Variants in RB1 observed in about 807,000 individuals in gnomAD.
The protein encoded by RB1 is RB transcriptional corepressor 1.
Under a neutral mutation model 135.4 loss-of-function variants are expected in RB1, and 18 were observed. That is an observed-to-expected ratio of 0.13 (90% CI 0.09 to 0.20). RB1 has a LOEUF of 0.20. Among genes scored for constraint, RB1 ranks in the 10% least tolerant of loss-of-function variants. The probability of loss-of-function intolerance (pLI) is 1.00; values close to 1 mark genes in which losing one functional copy is unlikely to be tolerated. For missense variants in RB1, 868 were observed against 1,110.0 expected, an observed-to-expected ratio of 0.78 and a Z score of 3.10; for synonymous variants, 365 against 373.2, an observed-to-expected ratio of 0.98 and a Z score of 0.25.
intron 17 of RB1, among the ~76,000 whole-genome samples, chr13:48,434,982 A>G (rs1949169054): frequency 6.6e-6 from 1 of 152,238 alleles, no homozygotes; most frequent in Non-Finnish European, 1.5e-5. Context: ...GAATATCAGG[A>G]CAGGTTCTAG....
intron 1 of RB1, among the ~76,000 whole-genome samples, chr13:48,304,966 T>G (rs1385072160): frequency 6.6e-6 from 1 of 152,210 alleles, no homozygotes; most frequent in African/African-American, 2.4e-5. Context: ...AATCTAAATT[T>G]AAGCAAGTCC....
At chr13:48,305,605 A>AT (rs1310678047) in intron 1 of RB1, among the ~76,000 whole-genome samples, 1 of 152,148 alleles carries the variant, frequency 6.6e-6, no homozygotes, top group African/African-American at 2.4e-5. Context: ...TGTTTCTTTC[A>AT]TTTTTTAACT....
At chr13:48,464,959 T>TTTTTTTTTA in intron 21 of RB1, 39 bp from the exon 22 acceptor site, 1 of 174,958 alleles carries the variant, frequency 5.7e-6, no homozygotes, top group Non-Finnish European at 7.3e-6. Context: ...TAAATTTTAC[T>TTTTTTTTTA]TTTTTTTTTT....
intron 6 of RB1, among the ~76,000 whole-genome samples, chr13:48,352,677 A>T (rs1952558649): frequency 6.6e-6 from 1 of 151,912 alleles, no homozygotes; most frequent in African/African-American, 2.4e-5. Flanking sequence ...GTGTAGAACT[A>T]CTAGTGATTT....
chr13:48,308,114 C>T lies in RB1; in HGVS notation c.264+708C>T, dbSNP rs1173738401. On this transcript the variant is annotated intron_variant, in intron 2 of 26. Transcript: ENST00000267163. ...ATATATTCCTTTCATTTTTTCTTTG[C>T]GTAAGTATAGATGTATATGTTTAAT... 4.6e-5 allele frequency among the ~76,000 whole-genome samples: 7 copies of T among 151,420 alleles called. No individual in the cohort carries two copies. The East Asian group carries it at 9.7e-4, about 21-fold the overall frequency.
intron 26 of RB1, among the ~76,000 whole-genome samples, chr13:48,478,973 T>C (rs1376108971): frequency 6.6e-6 from 1 of 152,190 alleles, no homozygotes; most frequent in Non-Finnish European, 1.5e-5. Flanking sequence ...ATGTCTGTAA[T>C]ACCAGCACTA....
At chr13:48,424,743 G>A (rs911304284) in intron 17 of RB1, among the ~76,000 whole-genome samples, 2 of 151,912 alleles carry the variant, frequency 1.3e-5, no homozygotes, top group African/African-American at 2.4e-5. Context: ...AGACATATAC[G>A]TGCAATTCAA....
chr13:48,464,689 A>G (rs551296594), intron 21 of RB1, among the ~76,000 whole-genome samples: 115 of 152,206 alleles, frequency 7.6e-4, no homozygotes, highest in African/African-American at 2.7e-3. Flanking sequence ...CTACCAGTCT[A>G]TCTACTCCTC....
At chr13:48,342,482 TACAA>T in intron 2 of RB1, 113 bp from the exon 3 acceptor site, 2 of 695,058 alleles carry the variant, frequency 2.9e-6, no homozygotes, top group Non-Finnish European at 2.6e-6. Context: ...TATACAGTAT[TACAA>T]ACATTTATTT....
intron 11 of RB1, among the ~76,000 whole-genome samples, chr13:48,370,609 C>G (rs1459701148): frequency 6.6e-6 from 1 of 152,182 alleles, no homozygotes; most frequent in Non-Finnish European, 1.5e-5. Context: ...TGTAAAGATG[C>G]ATAGGATGAG....
intron 7 of RB1, among the ~76,000 whole-genome samples, chr13:48,361,942 ATT>A (rs5803430): frequency 4.6e-5 from 6 of 130,570 alleles, no homozygotes; most frequent in Admixed American, 2.4e-4. Flanking sequence ...ATCATCTGTA[ATT>A]TTTTTTTTTT....
intron 26 of RB1, among the ~76,000 whole-genome samples, chr13:48,477,627 A>C (rs916389448): frequency 2.6e-5 from 4 of 152,288 alleles, no homozygotes; most frequent in Middle Eastern, 3.4e-3. Context: ...TTCATGCAGG[A>C]AGACTAAGAA....
intron 17 of RB1, among the ~76,000 whole-genome samples, chr13:48,437,613 C>G (rs1427256450): frequency 1.3e-5 from 2 of 152,156 alleles, no homozygotes; most frequent in African/African-American, 4.8e-5. Flanking sequence ...GGCCTCAGTT[C>G]TTTGCTGGCT....
chr13:48,463,974 CTT>C (rs1352696447), intron 21 of RB1, 139 bp downstream of exon 21: 6 of 571,894 alleles, frequency 1.0e-5, no homozygotes, highest in Non-Finnish European at 1.9e-5. Flanking sequence ...CAAATAAAAA[CTT>C]TTATATTATT....
intron 2 of RB1, among the ~76,000 whole-genome samples, chr13:48,309,051 T>C (rs1593415612): frequency 6.6e-6 from 1 of 152,312 alleles, no homozygotes; most frequent in East Asian, 1.9e-4. Flanking sequence ...TTTTTGATGC[T>C]ATAAAATAAT....
intron 2 of RB1, 97 bp from the exon 3 acceptor site, chr13:48,342,502 G>T (rs572816734): frequency 4.1e-4 from 317 of 778,472 alleles, no homozygotes; most frequent in Non-Finnish European, 6.3e-4. Context: ...TATTTTGTAT[G>T]CTGAATAAGA....
At chr13:48,439,586 T>C (rs1949216451) in intron 17 of RB1, 1 of 152,176 alleles carries the variant, frequency 6.6e-6, no homozygotes, top group Non-Finnish European at 1.5e-5. Flanking sequence ...TAATGAAATG[T>C]TCAGAATATT....
intron 23 of RB1, among the ~76,000 whole-genome samples, chr13:48,465,908 C>T (rs1176623627): frequency 1.1e-4 from 16 of 148,560 alleles, no homozygotes; most frequent in African/African-American, 3.2e-4. Flanking sequence ...GAGGGTCCTA[C>T]GCCCACGGAA....
At chr13:48,446,699 A>T (rs1757499174) in intron 17 of RB1, among the ~76,000 whole-genome samples, 1 of 152,162 alleles carries the variant, frequency 6.6e-6, no homozygotes, top group Admixed American at 6.5e-5. Context: ...TGGGCAGAGG[A>T]AACAGCAAGT....
Sources: gnomAD v4.1 joint callset for allele counts (sites outside exome capture counted in the v4.1 genomes callset) on GRCh38, gnomAD v4.1.1 for gene constraint, MANE v1.5 for transcripts, NCBI Gene and HGNC (gene_info 2026-07-23, HGNC 2026-07-21) for gene names.